Variants in LIMCH1 observed in about 807,000 individuals in gnomAD.
LIMCH1 encodes LIM and calponin homology domains 1.
In LIMCH1, 113 loss-of-function variants were observed where a neutral mutation model predicts 176.5. That is an observed-to-expected ratio of 0.64 (90% CI 0.55 to 0.75). The LOEUF is 0.75. LIMCH1 is among the 30% of genes least tolerant of loss of function. LIMCH1 has a pLI of 0.00. For synonymous variants in LIMCH1, 619 were observed against 645.9 expected (o/e 0.96, Z 0.63); for missense variants, 1,674 against 1,814.9 (o/e 0.92, Z 1.41).
chr4:41,485,571 A>G (rs1224109599), intron 1 of LIMCH1, among the ~76,000 whole-genome samples: 1 of 152,168 alleles, frequency 6.6e-6, no homozygotes, highest in Admixed American at 6.5e-5. Context: ...GGAGATATAT[A>G]TGGAAGTTTA....
chr4:41,419,630 CCTT>C (rs2060342338), intron 1 of LIMCH1, among the ~76,000 whole-genome samples: 3 of 97,246 alleles, frequency 3.1e-5, no homozygotes, highest in Admixed American at 1.0e-4. Flanking sequence ...TTCCTTCCTT[CCTT>C]CCTCCTTCCT....
chr4:41,563,419 G>A (rs964334326), intron 1 of LIMCH1, among the ~76,000 whole-genome samples: 8 of 152,224 alleles, frequency 5.3e-5, no homozygotes, highest in Middle Eastern at 6.8e-3. Context: ...TCAGAACCCC[G>A]CAAACAGCTT....
chr4:41,463,143 C>T (rs923208772), intron 1 of LIMCH1, among the ~76,000 whole-genome samples: 1 of 149,928 alleles, frequency 6.7e-6, no homozygotes, highest in Admixed American at 6.6e-5. Context: ...GAGTTACACA[C>T]GTAGAGAATA....
At chr4:41,663,338 G>A (rs2094699804) in intron 20 of LIMCH1, among the ~76,000 whole-genome samples, 1 of 152,036 alleles carries the variant, frequency 6.6e-6, no homozygotes, top group Admixed American at 6.6e-5. Flanking sequence ...ATTTTTAGTA[G>A]AGACGGGGTT....
intron 7 of LIMCH1, 67 bp from the exon 8 acceptor site, chr4:41,626,641 T>C (rs945117836): frequency 2.5e-5 from 32 of 1,289,986 alleles, no homozygotes; most frequent in Admixed American, 1.5e-4. Context: ...GTTGTCTGTC[T>C]AGAGATGGAG....
chr4:41,362,004 A>T (rs918903589), intron 1 of LIMCH1, among the ~76,000 whole-genome samples: 5 of 152,142 alleles, frequency 3.3e-5, no homozygotes, highest in African/African-American at 1.2e-4. Flanking sequence ...AGCTTCCAGA[A>T]TTCCGCCTGT....
At chr4:41,552,650 C>T (rs1246747334) in intron 1 of LIMCH1, among the ~76,000 whole-genome samples, 1 of 152,210 alleles carries the variant, frequency 6.6e-6, no homozygotes, top group Non-Finnish European at 1.5e-5. Flanking sequence ...TACCCTGCCA[C>T]TACCTCTTCT....
intron 1 of LIMCH1, among the ~76,000 whole-genome samples, chr4:41,412,015 G>A (rs969607688): frequency 2.1e-5 from 3 of 140,060 alleles, no homozygotes; most frequent in Non-Finnish European, 4.6e-5. Flanking sequence ...TTGAAAACCT[G>A]TTACATGGAT....
chr4:41,442,826 A>C (rs2062843088), intron 1 of LIMCH1, among the ~76,000 whole-genome samples: 1 of 152,216 alleles, frequency 6.6e-6, no homozygotes, highest in East Asian at 1.9e-4. Flanking sequence ...TTACATTATT[A>C]TACATCAGTC....
chr4:41,456,265 T>G (rs937857058), intron 1 of LIMCH1, among the ~76,000 whole-genome samples: 1 of 152,194 alleles, frequency 6.6e-6, no homozygotes, highest in African/African-American at 2.4e-5. Context: ...TCAATTTTTG[T>G]TTTTGGCCTC....
At chr4:41,651,992 C>G (rs1401485701) in intron 18 of LIMCH1, among the ~76,000 whole-genome samples, 1 of 152,158 alleles carries the variant, frequency 6.6e-6, no homozygotes, top group Non-Finnish European at 1.5e-5. Flanking sequence ...GGACTCTGTT[C>G]AACCTCATTT....
chr4:41,664,027 T>C (rs536369967), intron 20 of LIMCH1, among the ~76,000 whole-genome samples: 2 of 152,094 alleles, frequency 1.3e-5, no homozygotes, highest in African/African-American at 4.8e-5. Context: ...GCGACACAGC[T>C]AGACCCCATC....
intron 1 of LIMCH1, among the ~76,000 whole-genome samples, chr4:41,452,148 G>C (rs1301042786): frequency 1.3e-5 from 2 of 152,184 alleles, no homozygotes; most frequent in African/African-American, 4.8e-5. Flanking sequence ...GCAAAAGCAT[G>C]TTTTTGCTAC....
At chr4:41,458,422 A>G (rs898792241) in intron 1 of LIMCH1, among the ~76,000 whole-genome samples, 2 of 152,168 alleles carry the variant, frequency 1.3e-5, no homozygotes, top group Non-Finnish European at 2.9e-5. Context: ...GAAACAGCAC[A>G]TAGTTCAGTT....
At chr4:41,658,862 C>T (rs1193395992) in intron 18 of LIMCH1, among the ~76,000 whole-genome samples, 2 of 152,090 alleles carry the variant, frequency 1.3e-5, no homozygotes, top group Non-Finnish European at 2.9e-5. Flanking sequence ...TCTCAAGAGG[C>T]TCATTCATCA....
chr4:41,675,443 G>A (rs188156309), intron 22 of LIMCH1, among the ~76,000 whole-genome samples: 109 of 98,292 alleles, frequency 1.1e-3, no homozygotes, highest in Admixed American at 1.5e-3. Context: ...CCCATCCCCC[G>A]TCAACTTCCC....
At chr4:41,689,348 G>T (rs1001319123) in intron 29 of LIMCH1, among the ~76,000 whole-genome samples, 179 bp from the exon 30 acceptor site, 2 of 152,106 alleles carry the variant, frequency 1.3e-5, no homozygotes, top group African/African-American at 4.8e-5. Flanking sequence ...GCAGTTGTTT[G>T]CCATTTATAT....
At chr4:41,618,752 A>G (rs2092335287) in intron 5 of LIMCH1, among the ~76,000 whole-genome samples, 1 of 152,236 alleles carries the variant, frequency 6.6e-6, no homozygotes, top group East Asian at 1.9e-4. Context: ...TGGGTTGGTT[A>G]AAGATGCCTC....
intron 5 of LIMCH1, among the ~76,000 whole-genome samples, chr4:41,614,041 T>C (rs2091780830): frequency 1.3e-5 from 2 of 152,238 alleles, no homozygotes; most frequent in South Asian, 4.1e-4. Flanking sequence ...TACCACACTA[T>C]ATAAGAGAAA....
Sources: gnomAD v4.1 joint callset for allele counts (sites outside exome capture counted in the v4.1 genomes callset) on GRCh38, gnomAD v4.1.1 for gene constraint, MANE v1.5 for transcripts, NCBI Gene and HGNC (gene_info 2026-07-23, HGNC 2026-07-21) for gene names.